Variants in MACF1 observed in about 807,000 individuals in gnomAD.
The protein encoded by MACF1 is microtubule-actin cross-linking factor 1.
A neutral mutation model predicts 854.8 loss-of-function variants in MACF1; 193 were observed. The ratio of observed to expected loss-of-function variants is 0.23; its 90% CI spans 0.20 to 0.25. The LOEUF (loss-of-function observed/expected upper bound fraction) is 0.25, where lower values mean the gene tolerates loss of function less well. Among genes scored for constraint, MACF1 ranks in the 10% least tolerant of loss-of-function variants. The pLI, the probability that MACF1 is intolerant of heterozygous loss-of-function variation, is 1.00. For missense variants in MACF1, 7,722 were observed against 8,929.1 expected (o/e 0.86, Z 5.45); for synonymous variants, 3,185 against 3,226.7 (o/e 0.99, Z 0.44).
At chr1:39,163,023 G>T (rs913187761) in intron 2 of MACF1, among the ~76,000 whole-genome samples, 5 of 152,184 alleles carry the variant, frequency 3.3e-5, no homozygotes, top group Admixed American at 3.3e-4. Flanking sequence ...CTTTTTGTGG[G>T]TTTTCTCTTC....
chr1:39,440,129 T>G (rs1249069438), intron 72 of MACF1, among the ~76,000 whole-genome samples: 105 of 140,330 alleles, frequency 7.5e-4, no homozygotes, highest in African/African-American at 2.6e-3. Context: ...TTTTTTTTTT[T>G]GGAGACAGGG....
In MACF1 at chr1:39,412,624, C is replaced by G. The variant is rs1384470423; in HGVS notation, c.15817-9750C>G. 3 of 1,613,872 alleles carry G rather than the reference C, an allele frequency of 1.9e-6. No homozygotes were observed. The African/African-American group carries it at 4.0e-5, about 22-fold the overall frequency. On this transcript the variant is annotated intron_variant, in intron 58 of 100. Coordinates refer to ENST00000564288, the MANE Select transcript of MACF1 (RefSeq NM_001394062.1). ...AACTGTGAATGATACAAAGCCTGAG[C>G]TGAATGTGGCATCATCAGAGGGAGG...
At chr1:39,282,929 C>CTAAT (rs1645577819) in intron 7 of MACF1, among the ~76,000 whole-genome samples, 1 of 152,082 alleles carries the variant, frequency 6.6e-6, no homozygotes, top group Non-Finnish European at 1.5e-5. Flanking sequence ...TAAACATGCC[C>CTAAT]CAATTTTCAG....
chr1:39,381,045 AT>A (rs1238324463), intron 55 of MACF1, among the ~76,000 whole-genome samples: 4 of 152,104 alleles, frequency 2.6e-5, no homozygotes, highest in Admixed American at 6.6e-5. Context: ...ATGTAGATGA[AT>A]TTTTTTTAAT....
intron 6 of MACF1, among the ~76,000 whole-genome samples, chr1:39,266,807 TC>T (rs1020750305): frequency 6.6e-6 from 1 of 152,124 alleles, no homozygotes; most frequent in Non-Finnish European, 1.5e-5. Context: ...TATAGTCTTT[TC>T]CCATATAGCA....
intron 40 of MACF1, among the ~76,000 whole-genome samples, chr1:39,346,754 T>C (rs189993016): frequency 2.6e-4 from 39 of 152,092 alleles, no homozygotes; most frequent in Admixed American, 1.8e-3. Flanking sequence ...CTCCTGACCT[T>C]GTGATCCGCC....
intron 19 of MACF1, 51 bp downstream of exon 19, chr1:39,295,201 T>C: frequency 2.7e-6 from 4 of 1,459,768 alleles, no homozygotes; most frequent in African/African-American, 2.8e-5. Flanking sequence ...GTTGTTGTTA[T>C]AAAAGTATTC....
chr1:39,210,116 A>T (rs1048672218), intron 1 of MACF1, among the ~76,000 whole-genome samples: 5 of 151,680 alleles, frequency 3.3e-5, no homozygotes, highest in African/African-American at 1.2e-4. Flanking sequence ...AAAGACTTAC[A>T]GGTATTCTAG....
In MACF1 at chr1:39,283,457, C is replaced by T. The variant is rs1571264217; in HGVS notation, c.857C>T (p.Ser286Phe). 6.2e-7 allele frequency: 1 copy of T among 1,613,098 alleles called. No individual in the cohort carries two copies. ...PDEKSVITYV[S>F]SIYDAFPKVP... Reference sequence around the variant, plus strand: ...GAAAAGTCTGTAATCACTTATGTGTCTTCGATTTATGATGCCTTCCCTAAA... The same window carrying T: ...GAAAAGTCTGTAATCACTTATGTGTTTTCGATTTATGATGCCTTCCCTAAA... Residue 286 changes from serine to phenylalanine, a missense_variant, in exon 9 of 101, where the codon TCT becomes TTT. Physicochemically the swap from Ser to Phe is radical, Grantham distance 155. This residue lies in a region of MACF1 where 97 missense variants were observed against 130.4 expected (regional missense o/e 0.74). Transcript: ENST00000564288. The surrounding 1 kb of genome is among the most constrained non-coding windows in gnomAD (Gnocchi z 4.5).
At chr1:39,214,118 T>C (rs1166157270) in intron 1 of MACF1, among the ~76,000 whole-genome samples, 1 of 152,110 alleles carries the variant, frequency 6.6e-6, no homozygotes, top group African/African-American at 2.4e-5. Context: ...AGGAACAGGA[T>C]TGAAAGCAGC....
intron 52 of MACF1, chr1:39,372,819 C>T (rs1649361739): frequency 2.2e-6 from 1 of 444,856 alleles, no homozygotes; most frequent in African/African-American, 2.0e-5. Context: ...AGTAAATGAA[C>T]TAGTTGTCCC....
At chr1:39,112,887 G>C (rs888156548) in intron 2 of MACF1, among the ~76,000 whole-genome samples, 2 of 152,150 alleles carry the variant, frequency 1.3e-5, no homozygotes, top group African/African-American at 4.8e-5. Flanking sequence ...GAAGGCTGAA[G>C]TAGGAGGATC....
intron 2 of MACF1, among the ~76,000 whole-genome samples, chr1:39,090,752 G>A (rs1571025618): frequency 6.6e-6 from 1 of 152,324 alleles, no homozygotes. Flanking sequence ...TCAGTCTCAT[G>A]GGCTCAGGGG....
chr1:39,187,673 G>A (rs2148242304), intron 2 of MACF1, among the ~76,000 whole-genome samples: 1 of 152,250 alleles, frequency 6.6e-6, no homozygotes, highest in South Asian at 2.1e-4. Flanking sequence ...TGAGTATAGA[G>A]TTCTAGGTTG....
At chr1:39,414,074 C>T (rs766950636) in intron 58 of MACF1, 6 of 1,606,462 alleles carry the variant, frequency 3.7e-6, no homozygotes, top group African/African-American at 1.3e-5. Flanking sequence ...CTCAGTTCCC[C>T]AGCAGCTTCA....
At chr1:39,467,386 A>G (rs1006090036) in intron 95 of MACF1, among the ~76,000 whole-genome samples, 1 of 152,132 alleles carries the variant, frequency 6.6e-6, no homozygotes, top group Non-Finnish European at 1.5e-5. Flanking sequence ...AAAGAAAAAG[A>G]AAATCCTACC....
At chr1:39,429,381 A>G in intron 64 of MACF1, 55 bp downstream of exon 64, 1 of 1,012,712 alleles carries the variant, frequency 9.9e-7, no homozygotes, top group Non-Finnish European at 1.5e-6. Flanking sequence ...ACAATTATGT[A>G]CCCAAGGAAA....
At position 39,332,834 on chromosome 1, in the gene MACF1, T is replaced by C; in HGVS notation, c.6246T>C (p.Phe2082=). ...TAGAGAACCCTGAACAGGATCTGTT[T>C]GTAGAACAAAAAGAGAGAAATCCAA... ...SSVENPEQDL[F]VEQKERNPNI... is the part of the protein sequence containing the mutation. The change falls in exon 37 of 101, where the codon TTT becomes TTC. Residue 2082 remains phenylalanine (F), a synonymous_variant. Transcript: ENST00000564288. 2 of 1,614,082 alleles carry C rather than the reference T, an allele frequency of 1.2e-6. No individual in the cohort carries two copies. Among genetic ancestry groups the C allele is most frequent in the South Asian group, 2.2e-5 (2 of 91,072 alleles).
chr1:39,353,183 G>A lies in MACF1; in HGVS notation c.11376G>A (p.Gly3792=), dbSNP rs377665968. The change falls in exon 44 of 101, where the codon GGG becomes GGA. Residue 3792 remains glycine (G), a synonymous_variant. Coordinates refer to ENST00000564288, the MANE Select transcript of MACF1 (RefSeq NM_001394062.1). The part of the protein sequence containing the change: ...GALDTTDGYM[G]VNQAPEKLDK... ...TGGACACCACTGATGGTTACATGGG[G>A]GTGAATCAAGCCCCAGAGAAACTGG... The A allele has an allele frequency of 6.2e-7, 1 of 1,611,216 alleles. No homozygotes were observed.
Sources: gnomAD v4.1 joint callset for allele counts (sites outside exome capture counted in the v4.1 genomes callset) on GRCh38, gnomAD v4.1.1 for gene constraint, gnomAD v4.1.1 regional missense constraint, Gnocchi (gnomAD v3.1) non-coding constraint, MANE v1.5 for transcripts, NCBI Gene and HGNC (gene_info 2026-07-23, HGNC 2026-07-21) for gene names.